SOX5: variants seen among roughly 807,000 people sequenced by gnomAD.
The protein encoded by SOX5 is SRY-box transcription factor 5, also known as transcription factor SOX-5.
In SOX5, 9 loss-of-function variants were observed where a neutral mutation model predicts 92.0. The ratio of observed to expected loss-of-function variants is 0.10; its 90% confidence interval spans 0.06 to 0.17. The LOEUF (loss-of-function observed/expected upper bound fraction) is 0.17. Ranked by LOEUF, SOX5 falls within the 10% of genes least tolerant of loss-of-function variation. SOX5 has a pLI of 1.00. For synonymous variants in SOX5, 344 were observed against 336.3 expected (o/e 1.02, Z -0.25); for missense variants, 642 against 944.5 (o/e 0.68, Z 4.20).
intron 4 of SOX5, among the ~76,000 whole-genome samples, chr12:24,172,384 C>T (rs1442045231): frequency 6.6e-6 from 1 of 151,840 alleles, no homozygotes; most frequent in African/African-American, 2.4e-5. Context: ...AAAAAAACTA[C>T]AAAAATAAGC....
intron 2 of SOX5, among the ~76,000 whole-genome samples, chr12:24,352,544 A>G (rs1372441779): frequency 6.6e-6 from 1 of 152,126 alleles, no homozygotes; most frequent in Non-Finnish European, 1.5e-5. Flanking sequence ...TCGAAACTCT[A>G]CTTTGCTAAT....
chr12:23,686,203 T>C (rs1328179336), intron 6 of SOX5, among the ~76,000 whole-genome samples: 1 of 152,164 alleles, frequency 6.6e-6, no homozygotes, highest in African/African-American at 2.4e-5. Flanking sequence ...CTCAATTTAC[T>C]GCAAAATTTA....
chr12:24,409,952 C>T (rs1192900918), intron 1 of SOX5, among the ~76,000 whole-genome samples: 4 of 149,346 alleles, frequency 2.7e-5, no homozygotes, highest in Non-Finnish European at 4.4e-5. Flanking sequence ...CTTGGTTTTT[C>T]GTCTGTAGCT....
chr12:24,370,104 A>G (rs756107083), intron 1 of SOX5, among the ~76,000 whole-genome samples: 3 of 152,248 alleles, frequency 2.0e-5, no homozygotes, highest in Non-Finnish European at 4.4e-5. Context: ...TGAATCACAC[A>G]CAAGTAAAAC....
intron 4 of SOX5, among the ~76,000 whole-genome samples, chr12:24,093,691 CTT>C (rs199818216): frequency 0.046 from 6,376 of 140,092 alleles, 151 homozygotes; most frequent in Admixed American, 0.065. Context: ...TTTGGTTGTC[CTT>C]TTTTTTTTTT....
rs1022228682 is a variant in SOX5, at chr12:23,818,170, C to T, written c.481+27813G>A. Among the ~76,000 whole-genome samples the T allele has an allele frequency of 2.0e-5, 3 of 152,128 alleles. No homozygotes were observed. In the East Asian group the frequency reaches 5.8e-4, roughly 29 times the overall value. On this transcript the variant is annotated intron_variant, in intron 3 of 14. Coordinates refer to ENST00000451604, the MANE Select transcript of SOX5 (RefSeq NM_006940.6). Reference sequence around the variant, plus strand: ...CATTGCTTAACGACAAGGATATCTTCTGAGAAATGTGTTAGGTGATGTTGT... The same window carrying T: ...CATTGCTTAACGACAAGGATATCTTTTGAGAAATGTGTTAGGTGATGTTGT...
At chr12:24,100,997 T>A (rs1479861676) in intron 4 of SOX5, among the ~76,000 whole-genome samples, 1 of 152,086 alleles carries the variant, frequency 6.6e-6, no homozygotes, top group Non-Finnish European at 1.5e-5. Context: ...ATCAATTCTA[T>A]TGCAATAACC....
At chr12:24,160,833 GT>G (rs1234583110) in intron 4 of SOX5, among the ~76,000 whole-genome samples, 1 of 152,002 alleles carries the variant, frequency 6.6e-6, no homozygotes, top group Non-Finnish European at 1.5e-5. Context: ...AAAGGAAGTT[GT>G]AAAAATTATT....
intron 6 of SOX5, among the ~76,000 whole-genome samples, chr12:23,730,257 T>C (rs1195939447): frequency 1.5e-4 from 23 of 152,158 alleles, no homozygotes; most frequent in Admixed American, 1.3e-3. Flanking sequence ...TAGAAAGATA[T>C]CTTATTCTAA....
intron 3 of SOX5, among the ~76,000 whole-genome samples, chr12:24,258,326 A>G (rs1565770323): frequency 6.6e-6 from 1 of 152,238 alleles, no homozygotes; most frequent in African/African-American, 2.4e-5. Flanking sequence ...TACATGGTTT[A>G]CCTTTGAGCA....
chr12:24,068,706 A>G (rs12306344), intron 4 of SOX5, among the ~76,000 whole-genome samples: 19,417 of 46,056 alleles, frequency 0.42, 2,722 homozygotes, highest in Non-Finnish European at 0.43. Context: ...GTGTGTGTGT[A>G]TATATATATA....
At chr12:23,582,114 A>T (rs1209862903) in intron 9 of SOX5, 2 of 977,426 alleles carry the variant, frequency 2.0e-6, no homozygotes, top group Non-Finnish European at 2.4e-6. Flanking sequence ...TAAGTAGGGA[A>T]GTTACATGAC....
At chr12:24,428,833 G>C (rs925428203) in intron 1 of SOX5, among the ~76,000 whole-genome samples, 17 of 141,728 alleles carry the variant, frequency 1.2e-4, no homozygotes, top group Admixed American at 6.6e-4. Context: ...GCAACTTCAA[G>C]ACAGCATAGT....
At chr12:23,679,220 AC>A (rs1242923849) in intron 6 of SOX5, among the ~76,000 whole-genome samples, 1 of 152,124 alleles carries the variant, frequency 6.6e-6, no homozygotes, top group Non-Finnish European at 1.5e-5. Flanking sequence ...AGCACTTAGA[AC>A]CTAAGATGAT....
intron 1 of SOX5, among the ~76,000 whole-genome samples, chr12:23,924,090 T>C (rs1302151914): frequency 6.6e-6 from 1 of 152,204 alleles, no homozygotes; most frequent in African/African-American, 2.4e-5. Context: ...AGGCTTTGCA[T>C]TTAGTATACA....
At chr12:24,109,285 T>C (rs1030108375) in intron 4 of SOX5, among the ~76,000 whole-genome samples, 19 of 152,182 alleles carry the variant, frequency 1.2e-4, no homozygotes, top group African/African-American at 4.6e-4. Flanking sequence ...AGACTACTTT[T>C]AAACTGTTAG....
intron 9 of SOX5, among the ~76,000 whole-genome samples, chr12:23,580,159 C>T (rs117671340): frequency 0.069 from 10,450 of 152,008 alleles, 516 homozygotes; most frequent in South Asian, 0.1. Flanking sequence ...TTAATCTTCA[C>T]GACTATGAAG....
rs557348433 is a variant in SOX5 at position 23,992,036 on chromosome 12, C to G, written c.-1-96012G>C. On this transcript the variant is annotated intron_variant, in intron 4 of 4. Coordinates refer to the SOX5 transcript ENST00000446891. Reference sequence around the variant, plus strand: ...ATACATCTTTCATCATCATCAGTAGCAAAAACAAAAATAAGAAATTGACAG... The same window carrying G: ...ATACATCTTTCATCATCATCAGTAGGAAAAACAAAAATAAGAAATTGACAG... Among the ~76,000 whole-genome samples the G allele has an allele frequency of 2.0e-5, 3 of 152,034 alleles. 1 individual carries two copies. Among genetic ancestry groups the G allele is most frequent in the African/African-American group, 7.2e-5 (3 of 41,524 alleles).
chr12:23,663,745 TA>T (rs1365729285), intron 7 of SOX5, among the ~76,000 whole-genome samples: 1 of 151,964 alleles, frequency 6.6e-6, no homozygotes, highest in Non-Finnish European at 1.5e-5. Context: ...AATCAGAATT[TA>T]AAAAAATCAG....
Sources: gnomAD v4.1 joint callset for allele counts (sites outside exome capture counted in the v4.1 genomes callset) on GRCh38, gnomAD v4.1.1 for gene constraint, MANE v1.5 for transcripts, NCBI Gene and HGNC (gene_info 2026-07-23, HGNC 2026-07-21) for gene names.